The following HYDIN variants were observed in gnomAD, a reference collection of about 807,000 sequenced individuals.
HYDIN encodes axonemal central pair apparatus protein HYDIN.
Under a neutral mutation model 403.9 loss-of-function variants are expected in HYDIN, and 132 were observed. That is an observed-to-expected ratio of 0.33 (90% CI 0.28 to 0.38). The LOEUF (loss-of-function observed/expected upper bound fraction) is 0.38, where lower values mean the gene tolerates loss of function less well. Among genes scored for constraint, HYDIN ranks in the 10% least tolerant of loss-of-function variants. The pLI is 1.00. For synonymous variants in HYDIN, 1,202 were observed against 1,891.7 expected (o/e 0.64, Z 9.46); for missense variants, 2,827 against 5,009.5 (o/e 0.56, Z 13.15).
intron 3 of HYDIN, among the ~76,000 whole-genome samples, chr16:71,179,674 GA>G (rs2086821604): frequency 6.6e-6 from 1 of 152,182 alleles, no homozygotes. Flanking sequence ...ATTGGACTTG[GA>G]CCCCTCATTT....
intron 53 of HYDIN, among the ~76,000 whole-genome samples, chr16:70,898,747 AT>A (rs59170316): frequency 0.047 from 6,858 of 145,060 alleles, 479 homozygotes; most frequent in African/African-American, 0.15. Context: ...CAGTTCAAGT[AT>A]TTTTTTTTTT....
chr16:70,859,071 A>G (rs1166048706), intron 71 of HYDIN, among the ~76,000 whole-genome samples: 11 of 151,362 alleles, frequency 7.3e-5, no homozygotes, highest in South Asian at 2.1e-4. Context: ...GGAGGCCGAG[A>G]CGGGCAGATC....
chr16:71,018,322 G>C lies in HYDIN; in HGVS notation c.3451C>G (p.Pro1151Ala). 1 of 548,882 alleles carries C rather than the reference G, an allele frequency of 1.8e-6. No individual in the cohort carries two copies. The highest frequency in any genetic ancestry group is 3.1e-6 in the Non-Finnish European group (1 of 319,546). The allele number at this position is 548,882 out of a possible 1,614,324, so 34.0% of individuals were successfully genotyped here. ...CGCAGGTCCAGGCTGTCTATCTGAG[G>C]GTGTTCCACATACTTAATTGCTAGA... Reference protein sequence around the residue: ...EILAIKYVEHPQIDSLDLRGE... With the variant: ...EILAIKYVEHAQIDSLDLRGE... Residue 1151 changes from proline (P) to alanine (A), a missense_variant, in exon 23 of 86, where the codon CCT becomes GCT. Coordinates refer to ENST00000393567, the MANE Select transcript of HYDIN (RefSeq NM_001270974.2).
At position 70,991,324 on chromosome 16, in the gene HYDIN, G is replaced by C; in HGVS notation, c.3858C>G (p.Ile1286Met). 3 of 1,614,062 alleles carry C rather than the reference G, an allele frequency of 1.9e-6. No homozygotes were observed. The highest frequency in any genetic ancestry group is 2.5e-6 in the Non-Finnish European group (3 of 1,179,946). Reference protein sequence around the residue: ...ELRKTKASSVISDEIKISSTE... With the variant: ...ELRKTKASSVMSDEIKISSTE... ...CATGGAAAGGACACCGTACATCTGA[G>C]ATCACACTGGAAGCTTTCGTTTTTC... is the stretch of plus-strand genomic sequence containing the variant. The change falls in exon 25 of 86, where the codon ATC (isoleucine) becomes ATG (methionine). Residue 1286 changes from isoleucine to methionine, a missense_variant. By Grantham distance (10) the Ile-to-Met change is conservative (BLOSUM62 1). Coordinates refer to ENST00000393567, the MANE Select transcript of HYDIN (RefSeq NM_001270974.2).
At chr16:70,818,135 G>C (rs935055882) in intron 84 of HYDIN, among the ~76,000 whole-genome samples, 9 of 152,154 alleles carry the variant, frequency 5.9e-5, no homozygotes, top group Non-Finnish European at 5.9e-5. Context: ...GTTCATAAGA[G>C]AGAATTCCAA....
intron 5 of HYDIN, among the ~76,000 whole-genome samples, chr16:71,173,923 G>A (rs1016845135): frequency 1.3e-5 from 2 of 152,110 alleles, no homozygotes. Context: ...AATCCAGCAT[G>A]CTTTGTATTT....
chr16:70,940,951 G>A (rs1237059491), intron 43 of HYDIN, among the ~76,000 whole-genome samples: 1 of 151,832 alleles, frequency 6.6e-6, no homozygotes, highest in Admixed American at 6.5e-5. Flanking sequence ...GCCCTGGGGG[G>A]CCAAGATTTG....
chr16:70,870,949 T>C (rs1227137442), intron 65 of HYDIN, among the ~76,000 whole-genome samples: 22 of 152,036 alleles, frequency 1.4e-4, no homozygotes, highest in Admixed American at 4.6e-4. Flanking sequence ...GAGAATCACT[T>C]GATCTTGGGA....
chr16:70,955,455 T>C lies in HYDIN; in HGVS notation c.6236A>G (p.Asn2079Ser). 1.9e-6 allele frequency: 3 copies of C among 1,614,080 alleles called. No homozygotes were observed. The highest frequency in any genetic ancestry group is 2.7e-5 in the African/African-American group (2 of 75,044). The part of the protein sequence containing the change: ...SIVLEAVANS[N>S]NIPGIRAREL... ...ACGGGCCCGGATCCCTGGGATGTTG[T>C]TGCTGTTGGCCACAGCTTCCAGCAC... The change falls in exon 40 of 86, where the codon AAC becomes AGC. Residue 2079 changes from asparagine to serine, a missense_variant. Transcript: ENST00000393567.
rs748535010 is a variant in HYDIN at position 70,892,527 on chromosome 16, A to G, written c.9251T>C (p.Phe3084Ser). 1.2e-6 allele frequency: 2 copies of G among 1,603,258 alleles called. No individual in the cohort carries two copies. The highest frequency in any genetic ancestry group is 1.7e-6 in the Non-Finnish European group (2 of 1,175,806). The change falls in exon 56 of 86, where the codon TTT becomes TCT. Residue 3084 changes from phenylalanine to serine, a missense_variant and splice_region_variant. Physicochemically the swap from Phe to Ser is radical, Grantham distance 155. Coordinates refer to ENST00000393567, the MANE Select transcript of HYDIN (RefSeq NM_001270974.2). ...TGAAATCCCTACAGAGTCCACGGAA[A>G]AGCTGAAAGACAAGAATAAGAAGTC... ...NRGKYEIAFS[F>S]SVDSVGISTP...
chr16:71,097,854 C>G (rs2083319888), intron 10 of HYDIN, among the ~76,000 whole-genome samples: 1 of 151,802 alleles, frequency 6.6e-6, no homozygotes, highest in African/African-American at 2.4e-5. Context: ...AGAAAGTATG[C>G]TTAGAACAGC....
Position 71,117,567 on chromosome 16 carries a change from T to C in HYDIN, c.1228-1772A>G, listed in dbSNP as rs944303064. Among the ~76,000 whole-genome samples, 12 of 152,326 alleles carry C rather than the reference T, an allele frequency of 7.9e-5. No homozygotes were observed. In the South Asian group the frequency reaches 1.7e-3, roughly 21 times the overall value. ...GGAAAAGATGTGTGTGTTTTTTGTA[T>C]GATTTTTGTAAATAGGGCCAAGTGA... On this transcript the variant is annotated intron_variant, in intron 9 of 85. Transcript: ENST00000393567.
intron 45 of HYDIN, among the ~76,000 whole-genome samples, chr16:70,925,448 C>T (rs2077123333): frequency 6.6e-6 from 1 of 152,198 alleles, no homozygotes; most frequent in African/African-American, 2.4e-5. Context: ...ACACCTTATA[C>T]AAAAATCAAT....
intron 36 of HYDIN, among the ~76,000 whole-genome samples, chr16:70,969,524 C>A (rs572620598): frequency 6.6e-6 from 1 of 151,046 alleles, no homozygotes; most frequent in Admixed American, 6.6e-5. Context: ...ATTCTATATC[C>A]AGTGAGCAAA....
chr16:71,062,101 G>A (rs2082109103), intron 17 of HYDIN, 68 bp downstream of exon 17: 1 of 1,117,572 alleles, frequency 8.9e-7, no homozygotes, highest in Non-Finnish European at 1.3e-6. Flanking sequence ...GGCCTCAAAT[G>A]AGAAAGCTCA....
At chr16:71,223,387 GA>G (rs2040886087) in intron 1 of HYDIN, among the ~76,000 whole-genome samples, 2 of 152,076 alleles carry the variant, frequency 1.3e-5, no homozygotes, top group Admixed American at 6.6e-5. Context: ...GATAACATTG[GA>G]AAAACTCTTC....
At chr16:71,162,891 T>C (rs1436934709) in intron 5 of HYDIN, among the ~76,000 whole-genome samples, 161 bp from the exon 6 acceptor site, 1 of 152,116 alleles carries the variant, frequency 6.6e-6, no homozygotes, top group Non-Finnish European at 1.5e-5. Flanking sequence ...AATGAGATTG[T>C]CTTTTCTGAG....
chr16:70,887,039 T>G (rs1307916480), intron 58 of HYDIN, among the ~76,000 whole-genome samples: 1 of 152,206 alleles, frequency 6.6e-6, no homozygotes, highest in African/African-American at 2.4e-5. Flanking sequence ...GCGCATTAGA[T>G]CTTTAGATCT....
chr16:71,031,696 A>C lies in HYDIN; in HGVS notation c.2751T>G (p.Asn917Lys). The change falls in exon 19 of 86, where the codon AAT becomes AAG. Residue 917 changes from asparagine to lysine, a missense_variant. Asn to Lys is a moderately conservative substitution (Grantham distance 94). Transcript: ENST00000393567. Reference sequence around the variant, plus strand: ...TTCCTTACCTAAAATGTGCCCCCAAATTGAGTTCTGGAGCAAAGGGCTTAT... The same window carrying C: ...TTCCTTACCTAAAATGTGCCCCCAACTTGAGTTCTGGAGCAAAGGGCTTAT... ...VSDKPFAPEL[N>K]LGAHFSLDTH... The C allele has an allele frequency of 6.3e-7, 1 of 1,592,580 alleles. No individual in the cohort carries two copies. Among genetic ancestry groups the C allele is most frequent in the Non-Finnish European group, 8.6e-7 (1 of 1,167,662 alleles).
Sources: gnomAD v4.1 joint callset for allele counts (sites outside exome capture counted in the v4.1 genomes callset) on GRCh38, gnomAD v4.1.1 for gene constraint, MANE v1.5 for transcripts, NCBI Gene and HGNC (gene_info 2026-07-23, HGNC 2026-07-21) for gene names.